The following CSMD1 variants were observed in gnomAD, a reference collection of about 807,000 sequenced individuals.
The protein encoded by CSMD1 is CUB and sushi domain-containing protein 1.
In CSMD1, 213 loss-of-function variants were observed where a neutral mutation model predicts 417.5. The observed-to-expected ratio is 0.51, with a 90% CI of 0.46 to 0.57. The LOEUF (loss-of-function observed/expected upper bound fraction) is 0.57, where lower values mean the gene tolerates loss of function less well. Ranked by LOEUF, CSMD1 falls within the 20% of genes least tolerant of loss-of-function variation. CSMD1 has a pLI of 0.00. For synonymous variants in CSMD1, 2,862 were observed against 1,736.8 expected, an observed-to-expected ratio of 1.65 and a Z score of -16.11; for missense variants, 6,923 against 4,529.7, an observed-to-expected ratio of 1.53 and a Z score of -15.17.
chr8:4,164,543 T>A (rs989226320), intron 3 of CSMD1, among the ~76,000 whole-genome samples: 4 of 152,156 alleles, frequency 2.6e-5, no homozygotes, highest in African/African-American at 7.2e-5. Context: ...TATAAGCTGT[T>A]GTATAAGCCA....
chr8:3,687,326 G>A (rs886110959), intron 7 of CSMD1, among the ~76,000 whole-genome samples: 2 of 152,200 alleles, frequency 1.3e-5, no homozygotes, highest in African/African-American at 2.4e-5. Context: ...TCTGCTCCAT[G>A]TAAGGCTGCA....
At chr8:4,743,253 G>A (rs1810738537) in intron 1 of CSMD1, among the ~76,000 whole-genome samples, 2 of 152,226 alleles carry the variant, frequency 1.3e-5, no homozygotes, top group Non-Finnish European at 2.9e-5. Context: ...TAAAATGTGT[G>A]AAAAATTTGA....
intron 10 of CSMD1, among the ~76,000 whole-genome samples, chr8:3,501,020 T>C (rs1226852203): frequency 6.6e-6 from 1 of 152,186 alleles, no homozygotes; most frequent in Admixed American, 6.5e-5. Context: ...TCAAATAATA[T>C]GTATTTTCCT....
At chr8:3,117,736 A>G (rs1176774881) in intron 42 of CSMD1, among the ~76,000 whole-genome samples, 1 of 152,174 alleles carries the variant, frequency 6.6e-6, no homozygotes, top group African/African-American at 2.4e-5. Context: ...GTCTAAAGAG[A>G]CCAGGTCCTC....
chr8:3,557,457 G>A (rs552912978), intron 10 of CSMD1, among the ~76,000 whole-genome samples: 2 of 152,298 alleles, frequency 1.3e-5, no homozygotes, highest in Non-Finnish European at 2.9e-5. Flanking sequence ...AGAGGTTTTA[G>A]ACATAGGCTT....
chr8:4,375,058 G>C (rs1262582246), intron 3 of CSMD1, among the ~76,000 whole-genome samples: 5 of 151,612 alleles, frequency 3.3e-5, no homozygotes, highest in Admixed American at 6.6e-5. Flanking sequence ...GGCTGTTATA[G>C]GTAGAAAAGG....
chr8:3,562,932 A>C (rs142276627), intron 10 of CSMD1, among the ~76,000 whole-genome samples: 106 of 152,082 alleles, frequency 7.0e-4, no homozygotes, highest in Admixed American at 2.3e-3. Flanking sequence ...TAAAAAAAAA[A>C]CCAAACCATC....
chr8:3,656,850 G>C (rs1335169452), intron 7 of CSMD1, among the ~76,000 whole-genome samples: 5 of 152,020 alleles, frequency 3.3e-5, no homozygotes, highest in African/African-American at 1.2e-4. Context: ...GCTTGTCCCT[G>C]GGTGGCAGAG....
At chr8:4,392,668 T>A (rs542064376) in intron 3 of CSMD1, among the ~76,000 whole-genome samples, 103 of 151,844 alleles carry the variant, frequency 6.8e-4, no homozygotes, top group African/African-American at 1.4e-3. Context: ...TATTATTATT[T>A]TTTTTTGAGA....
chr8:3,372,093 A>C (rs1299752743), intron 18 of CSMD1, among the ~76,000 whole-genome samples: 1 of 152,242 alleles, frequency 6.6e-6, no homozygotes, highest in Non-Finnish European at 1.5e-5. Flanking sequence ...GGCAGATGAC[A>C]CATGACTGTG....
chr8:3,662,031 G>C (rs189658386), intron 7 of CSMD1, among the ~76,000 whole-genome samples: 5 of 152,238 alleles, frequency 3.3e-5, no homozygotes, highest in South Asian at 2.1e-4. Context: ...ATTTTTACTC[G>C]AAGTCGTAGA....
In CSMD1 at chr8:3,454,451, C is replaced by T. The variant is rs529842829; in HGVS notation, c.1561+14261G>A. On this transcript the variant is annotated intron_variant, in intron 12 of 69. Coordinates refer to ENST00000635120, the MANE Select transcript of CSMD1 (RefSeq NM_033225.6). ...GGCATGTTTTTGCAGTGGCTGGTAC[C>T]GGTTGTTCCTTTCCATGTTTTGTGC... is the stretch of plus-strand genomic sequence containing the variant. Among the ~76,000 whole-genome samples, 37 of 152,224 alleles carry T rather than the reference C, an allele frequency of 2.4e-4. 1 individual carries two copies. The South Asian group carries it at 5.4e-3, about 22-fold the overall frequency.
chr8:3,670,595 A>G (rs1309849680), intron 7 of CSMD1, among the ~76,000 whole-genome samples: 1 of 147,876 alleles, frequency 6.8e-6, no homozygotes, highest in Non-Finnish European at 1.5e-5. Context: ...ATGGGGATAT[A>G]TATATTGCAC....
chr8:2,977,713 G>A (rs1483079045), intron 55 of CSMD1, among the ~76,000 whole-genome samples: 1 of 151,968 alleles, frequency 6.6e-6, no homozygotes, highest in African/African-American at 2.4e-5. Flanking sequence ...AATCTACAAG[G>A]AACTTAAACA....
Position 3,931,443 on chromosome 8 carries a change from G to T in CSMD1, c.818+66460C>A, listed in dbSNP as rs1309677396. The stretch of plus-strand genomic sequence containing the variant: ...GGAAAAAAAAATCTTTCAATCCATG[G>T]CTTTTAAACCTCCTGACAATTCATC... On this transcript the variant is annotated intron_variant, in intron 5 of 69. Transcript: ENST00000635120. Among the ~76,000 whole-genome samples, 3 of 150,306 alleles carry T rather than the reference G, an allele frequency of 2.0e-5. 1 individual carries two copies. In the East Asian group the frequency reaches 5.9e-4, roughly 30 times the overall value.
chr8:4,412,946 G>C (rs925723499), intron 3 of CSMD1, among the ~76,000 whole-genome samples: 1 of 151,768 alleles, frequency 6.6e-6, no homozygotes, highest in African/African-American at 2.4e-5. Flanking sequence ...CAGGTTAACA[G>C]AACTTGTATC....
At chr8:3,700,415 T>G (rs1045615941) in intron 7 of CSMD1, 2 of 152,212 alleles carry the variant, frequency 1.3e-5, no homozygotes, top group African/African-American at 4.8e-5. Context: ...TATATGTATA[T>G]GTAATATGTT....
intron 1 of CSMD1, among the ~76,000 whole-genome samples, chr8:4,823,743 A>G (rs1181907661): frequency 6.6e-6 from 1 of 152,058 alleles, no homozygotes; most frequent in African/African-American, 2.4e-5. Context: ...AATGAGTTGA[A>G]AAACTTAGCC....
At chr8:4,103,285 G>C (rs965862881) in intron 3 of CSMD1, among the ~76,000 whole-genome samples, 17 of 138,296 alleles carry the variant, frequency 1.2e-4, no homozygotes, top group Middle Eastern at 3.5e-3. Flanking sequence ...CATACTGAAA[G>C]TATGACGTGT....
Sources: gnomAD v4.1 joint callset for allele counts (sites outside exome capture counted in the v4.1 genomes callset) on GRCh38, gnomAD v4.1.1 for gene constraint, MANE v1.5 for transcripts, NCBI Gene and HGNC (gene_info 2026-07-23, HGNC 2026-07-21) for gene names.